The following ALG6 variants were observed in gnomAD, a reference collection of about 807,000 sequenced individuals.
ALG6 encodes the protein ALG6 alpha-1,3-glucosyltransferase, also known as dolichyl pyrophosphate Man9GlcNAc2 alpha-1,3-glucosyltransferase.
Under a neutral mutation model 66.6 loss-of-function variants are expected in ALG6, and 46 were observed. The observed-to-expected ratio is 0.69, with a 90% CI of 0.55 to 0.88. The LOEUF (loss-of-function observed/expected upper bound fraction) is 0.88. Among genes scored for constraint, ALG6 ranks in the 40% least tolerant of loss-of-function variants. ALG6 has a pLI of 0.00. For missense variants in ALG6, 505 were observed against 586.8 expected (o/e 0.86, Z 1.44); for synonymous variants, 185 against 203.7 (o/e 0.91, Z 0.78).
intron 3 of ALG6, among the ~76,000 whole-genome samples, chr1:63,399,699 T>TA (rs540344572): frequency 1.9e-3 from 286 of 152,174 alleles, no homozygotes; most frequent in African/African-American, 6.6e-3. Flanking sequence ...TAAACAAAAA[T>TA]ACCAAATATG....
chr1:63,422,238 T>TATCTATATGAATATAAATATAG (rs1304712406), intron 12 of ALG6, among the ~76,000 whole-genome samples: 1 of 73,890 alleles, frequency 1.4e-5, no homozygotes, highest in African/African-American at 6.3e-5. Context: ...TATAAATATA[T>TATCTATATGAATATAAATATAG]ATATAAATAT....
At chr1:63,402,207 G>A (rs1644467987) in intron 3 of ALG6, 47 bp from the exon 4 acceptor site, 1 of 1,131,178 alleles carries the variant, frequency 8.8e-7, no homozygotes, top group South Asian at 1.2e-5. Flanking sequence ...TCTACTTCTT[G>A]AATATTGATT....
At chr1:63,436,467 A>G (rs1644678876) in intron 14 of ALG6, among the ~76,000 whole-genome samples, 13 of 152,164 alleles carry the variant, frequency 8.5e-5, no homozygotes. Flanking sequence ...GGGATGTTAT[A>G]AATTTAACCC....
chr1:63,374,007 T>C (rs1316729300), intron 2 of ALG6, among the ~76,000 whole-genome samples: 1 of 152,222 alleles, frequency 6.6e-6, no homozygotes, highest in Non-Finnish European at 1.5e-5. Context: ...AGAACTACTA[T>C]ATTTTGAGTA....
chr1:63,429,147 A>G, intron 14 of ALG6, 21 bp downstream of exon 14: 1 of 1,536,064 alleles, frequency 6.5e-7, no homozygotes, highest in South Asian at 1.2e-5. Context: ...TTTTTAAGAA[A>G]TGACACATTT....
At chr1:63,416,104 G>T in intron 11 of ALG6, 147 bp downstream of exon 11, 1 of 679,292 alleles carries the variant, frequency 1.5e-6, no homozygotes, top group East Asian at 2.8e-5. Context: ...CCCATACTTA[G>T]CTTCTGTGTT....
At chr1:63,383,120 A>AT (rs1437945248) in intron 2 of ALG6, among the ~76,000 whole-genome samples, 4 of 144,414 alleles carry the variant, frequency 2.8e-5, no homozygotes, top group Non-Finnish European at 6.1e-5. Context: ...GCCTATTTTT[A>AT]TTTTTTTGAG....
At chr1:63,387,532 CTTTT>C (rs760731397) in intron 2 of ALG6, among the ~76,000 whole-genome samples, 303 of 59,422 alleles carry the variant, frequency 5.1e-3, no homozygotes, top group Middle Eastern at 0.033. Flanking sequence ...TTGTCTTTCT[CTTTT>C]TTTTTTTTTT....
intron 10 of ALG6, 46 bp downstream of exon 10, chr1:63,414,192 T>C: frequency 7.7e-7 from 1 of 1,305,436 alleles, no homozygotes; most frequent in Non-Finnish European, 1.1e-6. Flanking sequence ...AGTTACTCTT[T>C]AAAAGCATTA....
intron 2 of ALG6, among the ~76,000 whole-genome samples, chr1:63,381,195 C>T (rs1203084119): frequency 6.6e-6 from 1 of 152,126 alleles, no homozygotes; most frequent in East Asian, 1.9e-4. Context: ...TGGCTCACGC[C>T]TGTAATCCCA....
At chr1:63,407,682 T>C (rs545703690) in intron 7 of ALG6, among the ~76,000 whole-genome samples, 2 of 152,058 alleles carry the variant, frequency 1.3e-5, no homozygotes. Context: ...TAATTTGTCT[T>C]ATAATATATT....
intron 14 of ALG6, among the ~76,000 whole-genome samples, chr1:63,431,192 A>T (rs1489445034): frequency 6.6e-6 from 1 of 152,112 alleles, no homozygotes; most frequent in East Asian, 1.9e-4. Flanking sequence ...ATTGATCTAT[A>T]TGTCTATCCT....
chr1:63,406,415 G>C lies in ALG6; in HGVS notation c.429+16G>C, dbSNP rs1473873381. Reference sequence around the variant, plus strand: ...TAAGAAAAAGGTAGGTTTTCAAGCAGCCTGACAGTTCGTCTCTGAAATGTA... The same window carrying C: ...TAAGAAAAAGGTAGGTTTTCAAGCACCCTGACAGTTCGTCTCTGAAATGTA... On this transcript the variant is annotated intron_variant, in intron 6 of 14. Coordinates refer to ENST00000263440, the MANE Select transcript of ALG6 (RefSeq NM_013339.4). The C allele has an allele frequency of 6.2e-7, 1 of 1,601,798 alleles. No individual in the cohort carries two copies. Among genetic ancestry groups the C allele is most frequent in the Non-Finnish European group, 8.6e-7 (1 of 1,169,372 alleles).
chr1:63,368,333 G>A (rs991040076), intron 1 of ALG6, among the ~76,000 whole-genome samples: 2 of 151,888 alleles, frequency 1.3e-5, no homozygotes, highest in Non-Finnish European at 2.9e-5. Context: ...GTACCTCCCC[G>A]CTTCGTACAC....
At chr1:63,378,367 T>G (rs564622782) in intron 2 of ALG6, among the ~76,000 whole-genome samples, 1 of 152,212 alleles carries the variant, frequency 6.6e-6, no homozygotes, top group Non-Finnish European at 1.5e-5. Flanking sequence ...TTGCCTTTCC[T>G]TTCTTGCTGC....
intron 2 of ALG6, among the ~76,000 whole-genome samples, chr1:63,395,342 T>G (rs12067831): frequency 0.36 from 54,571 of 152,142 alleles, 10,014 homozygotes; most frequent in East Asian, 0.48. Flanking sequence ...TAATGTCTTT[T>G]TAACATATAG....
chr1:63,425,718 T>A (rs1317176564), intron 12 of ALG6, among the ~76,000 whole-genome samples: 1 of 152,070 alleles, frequency 6.6e-6, no homozygotes, highest in Non-Finnish European at 1.5e-5. Context: ...TGGTGGAGAG[T>A]TGAGTATTTC....
At chr1:63,388,813 T>A (rs1052580325) in intron 2 of ALG6, among the ~76,000 whole-genome samples, 4 of 152,218 alleles carry the variant, frequency 2.6e-5, no homozygotes, top group African/African-American at 9.6e-5. Context: ...ATCTCCTTCA[T>A]GTTTGACAGG....
chr1:63,421,373 G>A (rs777426773), intron 12 of ALG6, among the ~76,000 whole-genome samples: 5 of 152,090 alleles, frequency 3.3e-5, no homozygotes, highest in Non-Finnish European at 5.9e-5. Flanking sequence ...TACTGTTGGT[G>A]GGAGTGTATA....
Sources: allele counts gnomAD v4.1 joint callset (sites outside exome capture counted in the v4.1 genomes callset), GRCh38; gene constraint gnomAD v4.1.1; transcripts MANE v1.5; gene names NCBI Gene and HGNC (gene_info 2026-07-23, HGNC 2026-07-21).